The following RASA2 variants were observed in gnomAD, a reference collection of about 807,000 sequenced individuals.
RASA2 encodes ras GTPase-activating protein 2.
In RASA2, 155 loss-of-function variants were observed where a neutral mutation model predicts 118.2. That is an observed-to-expected ratio of 1.31 (90% CI 1.15 to 1.50). The LOEUF is 1.50. Among genes scored for constraint, RASA2 ranks in the 40% most tolerant of loss-of-function variants. The pLI is 0.00. For synonymous variants in RASA2, 353 were observed against 349.1 expected, an observed-to-expected ratio of 1.01 and a Z score of -0.12; for missense variants, 1,016 against 1,009.6, an observed-to-expected ratio of 1.01 and a Z score of -0.09.
intron 1 of RASA2, among the ~76,000 whole-genome samples, chr3:141,491,968 T>C (rs1372350139): frequency 6.6e-6 from 1 of 152,216 alleles, no homozygotes; most frequent in Non-Finnish European, 1.5e-5. Flanking sequence ...GGTGTATTCA[T>C]GCTAAGAGTT....
In RASA2 at chr3:141,508,829, TG is replaced by T. The variant is rs1323406138; in HGVS notation, c.134-3332del. ...TTTGGCAATGGATTTTTTTTTTTTT[TG>T]GTCCAAGGCGCATGCTCATTTATAT... On this transcript the variant is annotated intron_variant, in intron 1 of 23. Transcript: ENST00000286364. Among the ~76,000 whole-genome samples the T allele has an allele frequency of 2.6e-5, 4 of 152,024 alleles. No individual in the cohort carries two copies. The East Asian group carries it at 7.7e-4, about 29-fold the overall frequency.
At chr3:141,581,543 C>T (rs1175325011) in intron 17 of RASA2, among the ~76,000 whole-genome samples, 14 of 152,140 alleles carry the variant, frequency 9.2e-5, no homozygotes, top group South Asian at 2.1e-4. Flanking sequence ...ACCCCTTAGA[C>T]GCAAGAAGTA....
chr3:141,516,248 A>G (rs551213590), intron 2 of RASA2, 80 bp from the exon 3 acceptor site: 21 of 939,074 alleles, frequency 2.2e-5, no homozygotes, highest in Non-Finnish European at 2.9e-5. Flanking sequence ...TTGAGTATTT[A>G]TACAATTATT....
In RASA2 at chr3:141,580,268, A is replaced by G. The variant is rs1054227293; in HGVS notation, c.1591-100A>G. On this transcript the variant is annotated intron_variant, in intron 15 of 23. Transcript: ENST00000286364. ...TGTGTGTTTTGAACGTTTTTGAGTC[A>G]TTGTTTTACAGCAATGTAGTCCATT... 17 of 865,622 alleles carry G rather than the reference A, an allele frequency of 2.0e-5. No individual in the cohort carries two copies. The African/African-American group carries it at 3.0e-4, about 15-fold the overall frequency. The allele number at this position is 865,622 out of a possible 1,614,324, so 53.6% of individuals were successfully genotyped here.
intron 14 of RASA2, 69 bp from the exon 15 acceptor site, chr3:141,576,930 AT>A (rs1029263823): frequency 1.9e-6 from 2 of 1,049,044 alleles, no homozygotes; most frequent in African/African-American, 3.3e-5. Flanking sequence ...TCTTTTCTAT[AT>A]TTTTTAATTT....
intron 17 of RASA2, among the ~76,000 whole-genome samples, chr3:141,584,910 C>T (rs1477504224): frequency 6.6e-6 from 1 of 151,906 alleles, no homozygotes; most frequent in Non-Finnish European, 1.5e-5. Flanking sequence ...ACTGATTGAG[C>T]ATCCCTAATC....
intron 3 of RASA2, among the ~76,000 whole-genome samples, chr3:141,518,668 A>G (rs1170993423): frequency 6.6e-6 from 1 of 151,294 alleles, no homozygotes; most frequent in Non-Finnish European, 1.5e-5. Flanking sequence ...TTTTTGATAA[A>G]CCTTTCTTGA....
chr3:141,586,612 T>C, intron 18 of RASA2, 34 bp from the exon 19 acceptor site: 1 of 1,440,940 alleles, frequency 6.9e-7, no homozygotes, highest in South Asian at 1.2e-5. Flanking sequence ...TTTTAATTTT[T>C]ATAGCTAAAT....
At chr3:141,593,890 C>T (rs975568314) in intron 19 of RASA2, among the ~76,000 whole-genome samples, 2 of 152,164 alleles carry the variant, frequency 1.3e-5, no homozygotes, top group East Asian at 1.9e-4. Context: ...TTCATGAAGG[C>T]CAGTATGTAA....
intron 5 of RASA2, among the ~76,000 whole-genome samples, chr3:141,549,480 T>C (rs1577719328): frequency 7.4e-6 from 1 of 135,628 alleles, no homozygotes; most frequent in Non-Finnish European, 1.6e-5. Context: ...TGAGTGTGTG[T>C]GTGCGTGTGT....
At chr3:141,563,799 G>C (rs1218565859) in intron 9 of RASA2, among the ~76,000 whole-genome samples, 1 of 151,998 alleles carries the variant, frequency 6.6e-6, no homozygotes, top group African/African-American at 2.4e-5. Context: ...TTTGAACTCT[G>C]GCATATTTCT....
intron 20 of RASA2, 29 bp from the exon 21 acceptor site, chr3:141,608,460 C>A (rs1183484243): frequency 6.2e-7 from 1 of 1,605,160 alleles, no homozygotes. Context: ...ACTCTTGTCA[C>A]TAACTTTTTA....
chr3:141,507,248 G>A (rs1481399468), intron 1 of RASA2, among the ~76,000 whole-genome samples: 1 of 152,184 alleles, frequency 6.6e-6, no homozygotes, highest in Non-Finnish European at 1.5e-5. Context: ...ATGATGACCA[G>A]TAACTCAAAG....
intron 4 of RASA2, among the ~76,000 whole-genome samples, chr3:141,530,533 T>C (rs1222061966): frequency 6.6e-6 from 1 of 152,034 alleles, no homozygotes; most frequent in Admixed American, 6.6e-5. Flanking sequence ...GAGGGCATAA[T>C]TGCAAGCAGG....
chr3:141,606,801 T>C (rs965771317), intron 19 of RASA2, among the ~76,000 whole-genome samples: 13 of 152,112 alleles, frequency 8.5e-5, no homozygotes, highest in African/African-American at 3.1e-4. Context: ...TTAAATAATA[T>C]AAAATGCAAA....
intron 1 of RASA2, among the ~76,000 whole-genome samples, chr3:141,488,749 T>C (rs2081606896): frequency 6.6e-6 from 1 of 152,248 alleles, no homozygotes. Flanking sequence ...AACTTTTGCA[T>C]ATATCTAATT....
At chr3:141,512,801 G>A (rs555909479) in intron 2 of RASA2, among the ~76,000 whole-genome samples, 4 of 152,270 alleles carry the variant, frequency 2.6e-5, no homozygotes, top group Admixed American at 1.3e-4. Context: ...GGTGGCTCAC[G>A]CTTGTAATCC....
At chr3:141,555,644 G>A (rs548921414) in intron 6 of RASA2, among the ~76,000 whole-genome samples, 196 bp from the exon 7 acceptor site, 1 of 151,520 alleles carries the variant, frequency 6.6e-6, no homozygotes, top group South Asian at 2.1e-4. Context: ...GCACATAGGG[G>A]ATGCCTAAAG....
chr3:141,490,886 G>A lies in RASA2; in HGVS notation c.133+3670G>A, dbSNP rs543527055. On this transcript the variant is annotated intron_variant, in intron 1 of 23. Coordinates refer to ENST00000286364, the MANE Select transcript of RASA2 (RefSeq NM_006506.5). Reference sequence around the variant, plus strand: ...ACGGGTTGTTATGAGGTTTAAATAAGCCTCCCTCCCTACTCTGCCCCTCCT... The same window carrying A: ...ACGGGTTGTTATGAGGTTTAAATAAACCTCCCTCCCTACTCTGCCCCTCCT... Among the ~76,000 whole-genome samples the A allele has an allele frequency of 3.0e-4, 46 of 152,276 alleles. No homozygotes were observed. In the Middle Eastern group the frequency reaches 0.01, roughly 34 times the overall value.
Sources: allele counts gnomAD v4.1 joint callset (sites outside exome capture counted in the v4.1 genomes callset), GRCh38; gene constraint gnomAD v4.1.1; transcripts MANE v1.5; gene names NCBI Gene and HGNC (gene_info 2026-07-23, HGNC 2026-07-21).